ANAPC10: variants seen among roughly 807,000 people sequenced by gnomAD.
The protein encoded by ANAPC10 is anaphase promoting complex subunit 10.
Under a neutral mutation model 22.0 loss-of-function variants are expected in ANAPC10, and 12 were observed. The ratio of observed to expected loss-of-function variants is 0.55; its 90% CI spans 0.35 to 0.88. The LOEUF is 0.88. Ranked by LOEUF, ANAPC10 falls within the 40% of genes least tolerant of loss-of-function variation. ANAPC10 has a pLI of 0.01. For synonymous variants in ANAPC10, 65 were observed against 69.5 expected (o/e 0.94, Z 0.32); for missense variants, 188 against 220.9 (o/e 0.85, Z 0.94).
At chr4:145,083,075 T>C (rs1328676188) in intron 2 of ANAPC10, among the ~76,000 whole-genome samples, 2 of 152,184 alleles carry the variant, frequency 1.3e-5, no homozygotes, top group African/African-American at 4.8e-5. Context: ...GCTCTGCATG[T>C]TGGTGTTTTT....
At chr4:145,071,757 T>C (rs1253013705) in intron 3 of ANAPC10, among the ~76,000 whole-genome samples, 3 of 152,084 alleles carry the variant, frequency 2.0e-5, no homozygotes, top group Non-Finnish European at 2.9e-5. Context: ...ATGATTAATA[T>C]ACCCTCAACA....
chr4:145,082,142 C>T (rs1455621577), intron 2 of ANAPC10, among the ~76,000 whole-genome samples: 2 of 152,190 alleles, frequency 1.3e-5, no homozygotes, highest in Non-Finnish European at 2.9e-5. Flanking sequence ...TAAAAAACAT[C>T]TTCTAGGAGA....
chr4:145,050,873 G>T (rs1022109132), intron 4 of ANAPC10, among the ~76,000 whole-genome samples: 1 of 152,116 alleles, frequency 6.6e-6, no homozygotes, highest in Admixed American at 6.5e-5. Flanking sequence ...CTTCCATCTA[G>T]GCTACTCAAA....
chr4:145,012,576 T>C (rs1469063392), intron 4 of ANAPC10, among the ~76,000 whole-genome samples: 1 of 152,084 alleles, frequency 6.6e-6, no homozygotes, highest in African/African-American at 2.4e-5. Context: ...AATGGATAAA[T>C]TCCTTGAAAA....
intron 4 of ANAPC10, among the ~76,000 whole-genome samples, chr4:145,039,888 T>C (rs2007345): frequency 0.26 from 39,072 of 151,752 alleles, 6,501 homozygotes; most frequent in African/African-American, 0.45. Flanking sequence ...GTCACTGTAC[T>C]CAGCCAAGGT....
At chr4:145,097,480 A>G (rs551179482) in intron 1 of ANAPC10, 1 of 1,287,136 alleles carries the variant, frequency 7.8e-7, no homozygotes, top group South Asian at 1.2e-5. Flanking sequence ...AAATAGGTGC[A>G]ATAGTTCTGC....
At chr4:145,031,775 C>G (rs947903013) in intron 4 of ANAPC10, among the ~76,000 whole-genome samples, 7 of 152,176 alleles carry the variant, frequency 4.6e-5, no homozygotes, top group East Asian at 3.9e-4. Flanking sequence ...ACAGCAAGGG[C>G]CTGCCATCTT....
intron 4 of ANAPC10, among the ~76,000 whole-genome samples, chr4:145,012,983 G>A (rs1734584606): frequency 6.6e-6 from 1 of 152,044 alleles, no homozygotes; most frequent in African/African-American, 2.4e-5. Flanking sequence ...AAAAGTGTGT[G>A]ACACCTCCCT....
At position 145,096,022 on chromosome 4, in the gene ANAPC10, C is replaced by A. The variant is rs746378181; in HGVS notation, c.78G>T (p.Gly26=). ...LERTGTVREI[G]SQAVWSLSSC... ...ATGAGAGTGACCAAACAGCTTGTGACCCAATTTCCCGTACTGTTCCAGTCC... is the reference window on the plus strand; with the variant it reads ...ATGAGAGTGACCAAACAGCTTGTGAACCAATTTCCCGTACTGTTCCAGTCC... Residue 26 remains glycine, a synonymous_variant, in exon 2 of 5, where the codon GGG becomes GGT. Coordinates refer to ENST00000507656, the MANE Select transcript of ANAPC10 (RefSeq NM_001256706.2). 100 of 1,613,944 alleles carry A rather than the reference C, an allele frequency of 6.2e-5. No homozygotes were observed. Among genetic ancestry groups the A allele is most frequent in the Non-Finnish European group, 8.0e-5 (94 of 1,179,974 alleles).
intron 4 of ANAPC10, among the ~76,000 whole-genome samples, chr4:145,040,947 G>A (rs1352158350): frequency 1.3e-5 from 2 of 152,064 alleles, no homozygotes; most frequent in African/African-American, 2.4e-5. Flanking sequence ...CAGAAATAAT[G>A]CATGACAATG....
At chr4:145,012,725 T>C (rs1361253691) in intron 4 of ANAPC10, among the ~76,000 whole-genome samples, 1 of 152,194 alleles carries the variant, frequency 6.6e-6, no homozygotes, top group East Asian at 1.9e-4. Flanking sequence ...TGGCTTCTTC[T>C]AAATATTTAA....
chr4:145,001,522 T>C (rs891201998), intron 4 of ANAPC10, among the ~76,000 whole-genome samples: 12 of 152,166 alleles, frequency 7.9e-5, no homozygotes, highest in African/African-American at 2.7e-4. Flanking sequence ...ATGAAGAGTT[T>C]TGACGATGTA....
At chr4:144,999,783 T>C (rs1010418861) in intron 4 of ANAPC10, among the ~76,000 whole-genome samples, 15 of 152,124 alleles carry the variant, frequency 9.9e-5, no homozygotes, top group South Asian at 6.2e-4. Flanking sequence ...GGAGGCATCA[T>C]GCTACCTCAC....
intron 3 of ANAPC10, among the ~76,000 whole-genome samples, chr4:145,067,432 T>G (rs1188446976): frequency 6.6e-6 from 1 of 152,064 alleles, no homozygotes; most frequent in Non-Finnish European, 1.5e-5. Context: ...ACACTCTCTA[T>G]CCCCTCACTC....
intron 4 of ANAPC10, among the ~76,000 whole-genome samples, chr4:145,004,486 G>A (rs1200406387): frequency 1.3e-5 from 2 of 152,068 alleles, no homozygotes; most frequent in Non-Finnish European, 2.9e-5. Flanking sequence ...GTTTGTCAAA[G>A]ATGTCTCCTA....
intron 4 of ANAPC10, among the ~76,000 whole-genome samples, chr4:145,022,938 T>C (rs992818259): frequency 2.6e-4 from 39 of 152,116 alleles, no homozygotes; most frequent in African/African-American, 8.7e-4. Flanking sequence ...GTTTGTTACA[T>C]ATGTTTACAT....
rs116157661 is a variant in ANAPC10 at position 145,031,496 on chromosome 4, T to C, written c.327+33076A>G. ...GAGGCACGACACCTAGTGGGTCTAA[T>C]TGGATTCTGAAGGCAACACATTTCT... On this transcript the variant is annotated intron_variant, in intron 4 of 4. Transcript: ENST00000507656. Among the ~76,000 whole-genome samples the C allele has an allele frequency of 4.4e-3, 673 of 152,314 alleles. 9 individuals are homozygous for C. Among genetic ancestry groups the C allele is most frequent in the African/African-American group, 0.015 (633 of 41,572 alleles).
chr4:145,015,882 G>A (rs1387507942), intron 4 of ANAPC10, among the ~76,000 whole-genome samples: 3 of 152,092 alleles, frequency 2.0e-5, no homozygotes, highest in Admixed American at 6.5e-5. Flanking sequence ...AGACAAACAA[G>A]TGCTGACAAA....
intron 4 of ANAPC10, among the ~76,000 whole-genome samples, chr4:145,054,630 TGTGTGTGTGTGCGCGCGC>T (rs966516959): frequency 4.8e-5 from 6 of 124,960 alleles, no homozygotes; most frequent in African/African-American, 1.9e-4. Flanking sequence ...TGTGTGTGTG[TGTGTGTGTGTGCGCGCGC>T]GCGCGCGTGC....
Sources: allele counts gnomAD v4.1 joint callset (sites outside exome capture counted in the v4.1 genomes callset), GRCh38; gene constraint gnomAD v4.1.1; transcripts MANE v1.5; gene names NCBI Gene and HGNC (gene_info 2026-07-23, HGNC 2026-07-21).